The following DYNC1H1 variants were observed in gnomAD, a reference collection of about 807,000 sequenced individuals.
DYNC1H1 encodes cytoplasmic dynein 1 heavy chain 1.
DYNC1H1 carries 51 observed loss-of-function variants against 527.1 expected under a neutral mutation model. That is an observed-to-expected ratio of 0.10 (90% CI 0.08 to 0.12). The LOEUF (loss-of-function observed/expected upper bound fraction) is 0.12, where lower values mean the gene tolerates loss of function less well. Ranked by LOEUF, DYNC1H1 falls within the 10% of genes least tolerant of loss-of-function variation. DYNC1H1 has a pLI of 1.00. For missense variants in DYNC1H1, 2,771 were observed against 5,971.8 expected (o/e 0.46, Z 17.66); for synonymous variants, 2,189 against 2,278.8 (o/e 0.96, Z 1.12).
intron 69 of DYNC1H1, chr14:102,043,110 C>T (rs573726916): frequency 2.0e-5 from 7 of 345,852 alleles, no homozygotes; most frequent in East Asian, 7.5e-5. Context: ...GGTGAAACTC[C>T]GTCTCTACTA....
rs969702025 is a variant in DYNC1H1, at chr14:102,050,974, A to G, written c.*411A>G. 14 of 295,220 alleles carry G rather than the reference A, an allele frequency of 4.7e-5. No homozygotes were observed. The highest frequency in any genetic ancestry group is 3.1e-4 in the African/African-American group (14 of 45,706). The allele number at this position is 295,220 out of a possible 1,614,324, so 18.3% of individuals were successfully genotyped here. A position where few individuals can be genotyped will look rare whatever the true frequency, so the allele number is the denominator to read the frequency against. On this transcript the variant is annotated 3_prime_UTR_variant, in exon 78 of 78. Transcript: ENST00000360184. ...ACCTTGGGGCCCTTCACAGACACAG[A>G]TGCAGCCAGCTGTGGCTCTGAAGGC...
At chr14:101,967,721 T>C (rs1207444246) in intron 1 of DYNC1H1, among the ~76,000 whole-genome samples, 2 of 152,146 alleles carry the variant, frequency 1.3e-5, no homozygotes, top group East Asian at 1.9e-4. Context: ...ATGCCAGTAG[T>C]TCCAGCTACT....
Position 102,051,004 on chromosome 14 carries a change from G to A in DYNC1H1, c.*441G>A. 3.6e-6 allele frequency: 1 copy of A among 278,502 alleles called. No individual in the cohort carries two copies. Among genetic ancestry groups the A allele is most frequent in the Non-Finnish European group, 7.0e-6 (1 of 143,604 alleles). The allele number at this position is 278,502 out of a possible 1,614,324, so 17.3% of individuals were successfully genotyped here. On this transcript the variant is annotated 3_prime_UTR_variant, in exon 78 of 78. Coordinates refer to ENST00000360184, the MANE Select transcript of DYNC1H1 (RefSeq NM_001376.5). ...GCCAGCTGTGGCTCTGAAGGCCCTG[G>A]GGCCCGGGCACCATGGTTCACACCT...
intron 1 of DYNC1H1, among the ~76,000 whole-genome samples, chr14:101,966,152 T>C (rs907965767): frequency 2.6e-5 from 4 of 152,384 alleles, no homozygotes; most frequent in African/African-American, 9.6e-5. Context: ...CCCTGTACTG[T>C]CTGCCCCATC....
rs920963989 is a variant in DYNC1H1 at position 102,017,692 on chromosome 14, C to T, written c.8177+188C>T. On this transcript the variant is annotated intron_variant, in intron 40 of 77. Transcript: ENST00000360184. The surrounding 1 kb of genome is among the most constrained non-coding windows in gnomAD (Gnocchi z 4.6). ...GTTAAAAATAAAAGCATTGGCCGGG[C>T]GCAGTGGCTTACGCCTATAATCCCA... is the stretch of plus-strand genomic sequence containing the variant. The T allele has an allele frequency of 6.9e-6, 8 of 1,162,420 alleles. No individual in the cohort carries two copies. The highest frequency in any genetic ancestry group is 1.5e-5 in the African/African-American group (1 of 65,052). 72.0% of individuals were successfully genotyped at this position (1,162,420 alleles called of 1,614,324 possible). A position where few individuals can be genotyped will look rare whatever the true frequency, so the allele number is the denominator to read the frequency against.
chr14:102,046,209 A>G (rs1215098980), intron 72 of DYNC1H1, among the ~76,000 whole-genome samples: 1 of 151,318 alleles, frequency 6.6e-6, no homozygotes, highest in Non-Finnish European at 1.5e-5. Context: ...GGCCCTGCCC[A>G]GGCGCACTCT....
chr14:101,983,510 T>C lies in DYNC1H1; in HGVS notation c.1362T>C (p.Pro454=), dbSNP rs2047891906. ...TGAAGATGGTGTGGCGTATCAACCC[T>C]GCCCACAGGAAGCTGCAGGCCCGCC... is the stretch of plus-strand genomic sequence containing the variant. The part of the protein sequence containing the change: ...ENLKMVWRIN[P]AHRKLQARLD... The change falls in exon 7 of 78, where the codon CCT becomes CCC. Residue 454 remains proline, a synonymous_variant. Transcript: ENST00000360184. The surrounding 1 kb of genome is among the most constrained non-coding windows in gnomAD (Gnocchi z 5.3). 1 of 1,614,030 alleles carries C rather than the reference T, an allele frequency of 6.2e-7. No individual in the cohort carries two copies. The highest frequency in any genetic ancestry group is 1.1e-5 in the South Asian group (1 of 91,078).
Position 101,965,936 on chromosome 14 carries a change from C to G in DYNC1H1, c.256+989C>G, listed in dbSNP as rs971004729. ...CCAGCAAGGTTACATTCATCTAAGT[C>G]TGGGGCTTGCCTGCAGGCAGGCTTT... is the stretch of plus-strand genomic sequence containing the variant. On this transcript the variant is annotated intron_variant, in intron 1 of 77. Coordinates refer to ENST00000360184, the MANE Select transcript of DYNC1H1 (RefSeq NM_001376.5). This position sits in a 1 kb window ranked among gnomAD's most constrained non-coding sequence, Gnocchi z 4.1. 3.3e-5 allele frequency among the ~76,000 whole-genome samples: 5 copies of G among 152,094 alleles called. No individual in the cohort carries two copies. Among genetic ancestry groups the G allele is most frequent in the African/African-American group, 1.2e-4 (5 of 41,422 alleles).
chr14:101,985,858 G>T lies in DYNC1H1; in HGVS notation c.1633G>T (p.Ala545Ser). The change falls in exon 8 of 78, where the codon GCC becomes TCC. Residue 545 changes from alanine (A) to serine (S), a missense_variant. Coordinates refer to ENST00000360184, the MANE Select transcript of DYNC1H1 (RefSeq NM_001376.5). This position sits in a 1 kb window ranked among gnomAD's most constrained non-coding sequence, Gnocchi z 5.9. The stretch of plus-strand genomic sequence containing the variant: ...GGATGTTTCCAAAGAGGGCACGGAA[G>T]CCTGGGAGGCTGCTATGAAGAGGTA... The part of the protein sequence containing the change: ...GLDVSKEGTE[A>S]WEAAMKRYDE... The T allele has an allele frequency of 6.2e-7, 1 of 1,614,192 alleles. No homozygotes were observed. The highest frequency in any genetic ancestry group is 8.5e-7 in the Non-Finnish European group (1 of 1,180,040).
At position 102,029,643 on chromosome 14, in the gene DYNC1H1, G is replaced by A. The variant is rs1555411131; in HGVS notation, c.9573G>A (p.Arg3191=). Residue 3191 remains arginine (R), a synonymous_variant, in exon 49 of 78, where the codon CGG becomes CGA. Transcript: ENST00000360184. This position sits in a 1 kb window ranked among gnomAD's most constrained non-coding sequence, Gnocchi z 5.3. ...NHYANLFHEK[R]SELEEQQMHL... is the part of the protein sequence containing the mutation. Reference sequence around the variant, plus strand: ...ATGCCAACCTGTTCCACGAGAAGCGGAGCGAGCTGGAGGAGCAGCAGATGC... The same window carrying A: ...ATGCCAACCTGTTCCACGAGAAGCGAAGCGAGCTGGAGGAGCAGCAGATGC... The A allele has an allele frequency of 1.2e-6, 2 of 1,614,246 alleles. No homozygotes were observed. The highest frequency in any genetic ancestry group is 1.1e-5 in the South Asian group (1 of 91,088).
chr14:102,021,143 C>T (rs928769811), intron 42 of DYNC1H1, among the ~76,000 whole-genome samples: 3 of 152,048 alleles, frequency 2.0e-5, no homozygotes, highest in Admixed American at 6.6e-5. Flanking sequence ...TTTGGAAGGT[C>T]GAGGCAGGAG....
chr14:102,011,083 A>C lies in DYNC1H1; in HGVS notation c.6618+131A>C. ...TGGAGGTGCATAATATGCTTTATGA[A>C]GATTTGCCCAAGGCCTATTTGAATT... On this transcript the variant is annotated intron_variant, in intron 32 of 77. Coordinates refer to ENST00000360184, the MANE Select transcript of DYNC1H1 (RefSeq NM_001376.5). The surrounding 1 kb of genome is among the most constrained non-coding windows in gnomAD (Gnocchi z 5.3). The C allele has an allele frequency of 2.0e-6, 2 of 992,656 alleles. No individual in the cohort carries two copies. Among genetic ancestry groups the C allele is most frequent in the Non-Finnish European group, 3.2e-6 (2 of 631,072 alleles). The allele number at this position is 992,656 out of a possible 1,614,324, so 61.5% of individuals were successfully genotyped here.
chr14:102,032,802 G>T, intron 52 of DYNC1H1: 2 of 565,894 alleles, frequency 3.5e-6, no homozygotes, highest in Non-Finnish European at 6.3e-6. Flanking sequence ...TCAGTGAACC[G>T]AGATCACACC....
chr14:101,987,295 G>A (rs1232424899), intron 8 of DYNC1H1, among the ~76,000 whole-genome samples, 158 bp from the exon 9 acceptor site: 1 of 152,242 alleles, frequency 6.6e-6, no homozygotes, highest in Admixed American at 6.5e-5. Context: ...ATGCGAGTGG[G>A]GATTAGTGTT....
intron 56 of DYNC1H1, chr14:102,035,623 G>C (rs1231938605): frequency 1.3e-5 from 2 of 152,240 alleles, no homozygotes; most frequent in African/African-American, 4.8e-5. Context: ...TGGCCCTCCT[G>C]AGGGCCCACC....
chr14:102,013,516 CAG>C (rs1443506747), intron 34 of DYNC1H1, among the ~76,000 whole-genome samples: 3 of 151,950 alleles, frequency 2.0e-5, no homozygotes, highest in Non-Finnish European at 2.9e-5. Context: ...AGGTCTGGGA[CAG>C]GGGGCCGGTG....
At chr14:102,046,116 C>T (rs1457419622) in intron 72 of DYNC1H1, among the ~76,000 whole-genome samples, 5 of 151,228 alleles carry the variant, frequency 3.3e-5, no homozygotes, top group Non-Finnish European at 7.4e-5. Flanking sequence ...TGCAGTGAGC[C>T]GAGATGGCAC....
At position 101,964,939 on chromosome 14, in the gene DYNC1H1, C is replaced by G; in HGVS notation, c.248C>G (p.Thr83Arg). The G allele has an allele frequency of 6.3e-7, 1 of 1,597,458 alleles. No homozygotes were observed. The highest frequency in any genetic ancestry group is 8.5e-7 in the Non-Finnish European group (1 of 1,173,410). The change falls in exon 1 of 78, where the codon ACG (threonine) becomes AGG (arginine). Residue 83 changes from threonine to arginine, a missense_variant. This residue lies in a region of DYNC1H1 where 146 missense variants were observed against 288.1 expected (regional missense o/e 0.51). Transcript: ENST00000360184. The surrounding 1 kb of genome is among the most constrained non-coding windows in gnomAD (Gnocchi z 5.5). ...CACACGGTGCTGGTGGAGCGCTCCACGCTCAAAGGTGCGGGGCCGCGGAGG... is the reference window on the plus strand; with the variant it reads ...CACACGGTGCTGGTGGAGCGCTCCAGGCTCAAAGGTGCGGGGCCGCGGAGG... The part of the protein sequence containing the change: ...QVHTVLVERS[T>R]LKEDVGDEGE...
rs1321164578 is a variant in DYNC1H1 at position 102,050,737 on chromosome 14, G to A, written c.*174G>A. ...GTGGAAATTGGAAGGATACCAGGAG[G>A]TATTTGGGAAGGCCAATGGCGTGGC... On this transcript the variant is annotated 3_prime_UTR_variant, in exon 78 of 78. Transcript: ENST00000360184. 1 of 1,064,976 alleles carries A rather than the reference G, an allele frequency of 9.4e-7. No individual in the cohort carries two copies. The highest frequency in any genetic ancestry group is 1.4e-6 in the Non-Finnish European group (1 of 727,846). 66.0% of individuals were successfully genotyped at this position (1,064,976 alleles called of 1,614,324 possible).
Sources: gnomAD v4.1 joint callset for allele counts (sites outside exome capture counted in the v4.1 genomes callset) on GRCh38, gnomAD v4.1.1 for gene constraint, gnomAD v4.1.1 regional missense constraint, Gnocchi (gnomAD v3.1) non-coding constraint, MANE v1.5 for transcripts, NCBI Gene and HGNC (gene_info 2026-07-23, HGNC 2026-07-21) for gene names.